ARG1: variants seen among roughly 807,000 people sequenced by gnomAD.
The protein encoded by ARG1 is arginase 1.
In ARG1, 20 loss-of-function variants were observed where a neutral mutation model predicts 33.0. The observed-to-expected ratio is 0.61, with a 90% CI of 0.43 to 0.88. The LOEUF is 0.88. Among genes scored for constraint, ARG1 ranks in the 40% least tolerant of loss-of-function variants. The pLI is 0.00. For missense variants in ARG1, 374 were observed against 384.7 expected, an observed-to-expected ratio of 0.97 and a Z score of 0.23; for synonymous variants, 146 against 140.6, an observed-to-expected ratio of 1.04 and a Z score of -0.27.
At chr6:131,578,146 A>C (rs1302191157) in intron 2 of ARG1, among the ~76,000 whole-genome samples, 1 of 151,054 alleles carries the variant, frequency 6.6e-6, no homozygotes, top group African/African-American at 2.4e-5. Flanking sequence ...AGTTAAAATT[A>C]GTGAGTTTTA....
At position 131,583,900 on chromosome 6, in the gene ARG1, C is replaced by T; in HGVS notation, c.961C>T (p.Pro321Ser). ...NHKPIDYLNPPK is the reference protein window; with the variant it reads ...NHKPIDYLNPSK ...CAAGCCTATTGACTACCTTAACCCA[C>T]CTAAGTAAATGTGGAAACATCCGAT... The change falls in exon 8 of 8, where the codon CCT becomes TCT. Residue 321 changes from proline (P) to serine (S), a missense_variant. Transcript: ENST00000368087. 6.2e-7 allele frequency: 1 copy of T among 1,614,008 alleles called. No individual in the cohort carries two copies. Among genetic ancestry groups the T allele is most frequent in the South Asian group, 1.1e-5 (1 of 91,074 alleles).
intron 2 of ARG1, among the ~76,000 whole-genome samples, chr6:131,577,455 C>T (rs981337458): frequency 6.6e-6 from 1 of 152,138 alleles, no homozygotes; most frequent in Non-Finnish European, 1.5e-5. Context: ...GATATGTTTT[C>T]ATTTCTCTTG....
rs200270063 is a variant in ARG1, at chr6:131,577,747, C to CAA, written c.130+1020_130+1021dup. Among the ~76,000 whole-genome samples, 19 of 149,418 alleles carry CAA rather than the reference C, an allele frequency of 1.3e-4. 1 individual carries two copies. In the South Asian group the frequency reaches 3.6e-3, roughly 28 times the overall value. ...TGAAACCCCTTCTCTAGTAAAAATACAAAAAAAAATAGCTGGGCGTGGTGG... is the reference window on the plus strand; with the variant it reads ...TGAAACCCCTTCTCTAGTAAAAATACAAAAAAAAAAATAGCTGGGCGTGGTGG... On this transcript the variant is annotated intron_variant, in intron 2 of 7. Transcript: ENST00000368087.
At chr6:131,582,835 C>CCA in intron 5 of ARG1, 120 bp downstream of exon 5, 5 of 848,468 alleles carry the variant, frequency 5.9e-6, no homozygotes, top group South Asian at 1.4e-5. Flanking sequence ...ACACACATGC[C>CCA]CACACACATA....
chr6:131,579,939 GCATAAGCAT>G (rs1490185335), intron 3 of ARG1, among the ~76,000 whole-genome samples: 2 of 152,064 alleles, frequency 1.3e-5, no homozygotes, highest in Non-Finnish European at 2.9e-5. Flanking sequence ...CATGGGATGT[GCATAAGCAT>G]CATAAGCATC....
intron 1 of ARG1, chr6:131,574,135 C>T (rs375503255): frequency 5.2e-5 from 45 of 859,582 alleles, no homozygotes; most frequent in South Asian, 5.0e-4. Flanking sequence ...GACTTCAACA[C>T]GCATCTGTGC....
rs1224996446 is a variant in ARG1 at position 131,583,914 on chromosome 6, G to C, written c.*6G>C. Reference sequence around the variant, plus strand: ...ACCTTAACCCACCTAAGTAAATGTGGAAACATCCGATATAAATCTCATAGT... The same window carrying C: ...ACCTTAACCCACCTAAGTAAATGTGCAAACATCCGATATAAATCTCATAGT... On this transcript the variant is annotated 3_prime_UTR_variant, in exon 8 of 8. Transcript: ENST00000368087. 1.2e-6 allele frequency: 2 copies of C among 1,613,566 alleles called. No individual in the cohort carries two copies. The highest frequency in any genetic ancestry group is 2.7e-5 in the African/African-American group (2 of 74,904).
Position 131,579,137 on chromosome 6 carries a change from C to T in ARG1, c.157C>T (p.Leu53=), listed in dbSNP as rs188888028. ...QECDVKDYGD[L]PFADIPNDSP... The stretch of plus-strand genomic sequence containing the variant: ...GTGTGATGTGAAGGATTATGGGGAC[C>T]TGCCCTTTGCTGACATCCCTAATGA... The change falls in exon 3 of 8, where the codon CTG becomes TTG. Residue 53 remains leucine, a synonymous_variant. Transcript: ENST00000368087. The T allele has an allele frequency of 1.9e-6, 3 of 1,614,086 alleles. No homozygotes were observed. Among genetic ancestry groups the T allele is most frequent in the Admixed American group, 1.7e-5 (1 of 60,012 alleles).
At chr6:131,583,635 T>C in intron 7 of ARG1, 107 bp from the exon 8 acceptor site, 1 of 1,520,864 alleles carries the variant, frequency 6.6e-7, no homozygotes, top group Non-Finnish European at 9.0e-7. Flanking sequence ...GTGTTTTCCA[T>C]CGGTTACTAC....
intron 7 of ARG1, 40 bp downstream of exon 7, chr6:131,583,531 C>T (rs767301672): frequency 6.2e-7 from 1 of 1,601,492 alleles, no homozygotes; most frequent in Admixed American, 1.7e-5. Flanking sequence ...CAAGTGTACA[C>T]TTGACTAATA....
At chr6:131,575,053 T>C (rs1773549129) in intron 1 of ARG1, among the ~76,000 whole-genome samples, 1 of 152,100 alleles carries the variant, frequency 6.6e-6, no homozygotes, top group Admixed American at 6.6e-5. Flanking sequence ...GACAAAGCAA[T>C]TTCCAAAGTG....
intron 5 of ARG1, 87 bp downstream of exon 5, chr6:131,582,802 A>C (rs952914539): frequency 7.1e-6 from 8 of 1,128,816 alleles, no homozygotes; most frequent in African/African-American, 1.5e-5. Context: ...ATGAGAGAAA[A>C]TTAAACATCA....
intron 1 of ARG1, among the ~76,000 whole-genome samples, chr6:131,574,565 A>G (rs570427155): frequency 1.3e-5 from 2 of 152,330 alleles, no homozygotes; most frequent in East Asian, 3.9e-4. Context: ...CATGGTCATG[A>G]GAATGGAGTT....
At chr6:131,580,173 T>C (rs1283247008) in intron 3 of ARG1, among the ~76,000 whole-genome samples, 2 of 152,212 alleles carry the variant, frequency 1.3e-5, no homozygotes, top group Non-Finnish European at 1.5e-5. Context: ...AACACTTCTA[T>C]GGCTCTTGAG....
chr6:131,574,434 T>C, intron 1 of ARG1: 1 of 952,674 alleles, frequency 1.0e-6, no homozygotes, highest in Non-Finnish European at 1.7e-6. Context: ...CACAGAAATG[T>C]TCCTTTTAAA....
At position 131,576,654 on chromosome 6, in the gene ARG1, A is replaced by G; in HGVS notation, c.58-9A>G. The G allele has an allele frequency of 6.2e-7, 1 of 1,613,140 alleles. No individual in the cohort carries two copies. The highest frequency in any genetic ancestry group is 8.5e-7 in the Non-Finnish European group (1 of 1,179,116). On this transcript the variant is annotated splice_polypyrimidine_tract_variant and intron_variant, in intron 1 of 7. Coordinates refer to ENST00000368087, the MANE Select transcript of ARG1 (RefSeq NM_000045.4). The stretch of plus-strand genomic sequence containing the variant: ...AATGTCTGAAGTACTTTATTTTTTA[A>G]TTGTTCAGCCACGAGGAGGGGTGGA...
chr6:131,577,653 T>C (rs985286325), intron 2 of ARG1, among the ~76,000 whole-genome samples: 1 of 151,460 alleles, frequency 6.6e-6, no homozygotes, highest in South Asian at 2.1e-4. Context: ...TGTAATCCTA[T>C]CACTTTGGGA....
At chr6:131,582,233 TAAG>T (rs1327707110) in intron 4 of ARG1, among the ~76,000 whole-genome samples, 1 of 152,138 alleles carries the variant, frequency 6.6e-6, no homozygotes, top group African/African-American at 2.4e-5. Context: ...ATTATCACAT[TAAG>T]AATAACCAAA....
intron 4 of ARG1, 141 bp downstream of exon 4, chr6:131,581,519 G>C (rs1209530333): frequency 2.9e-6 from 3 of 1,045,842 alleles, no homozygotes; most frequent in Non-Finnish European, 4.2e-6. Context: ...TAAGCAAAGG[G>C]TTGGTTGATA....
Sources: gnomAD v4.1 joint callset for allele counts (sites outside exome capture counted in the v4.1 genomes callset) on GRCh38, gnomAD v4.1.1 for gene constraint, MANE v1.5 for transcripts, NCBI Gene and HGNC (gene_info 2026-07-23, HGNC 2026-07-21) for gene names.